Variants in RIPOR3 observed in about 807,000 individuals in gnomAD.
The protein encoded by RIPOR3 is RIPOR family member 3, also known as family with sequence similarity 65 member C.
RIPOR3 carries 95 observed loss-of-function variants against 114.3 expected under a neutral mutation model. The observed-to-expected ratio is 0.83, with a 90% CI of 0.70 to 0.99. The LOEUF is 0.99. Ranked by LOEUF, RIPOR3 falls within the 50% of genes least tolerant of loss-of-function variation. RIPOR3 has a pLI of 0.00. For missense variants in RIPOR3, 1,252 were observed against 1,266.9 expected (o/e 0.99, Z 0.18); for synonymous variants, 575 against 543.8 (o/e 1.06, Z -0.80).
intron 1 of RIPOR3, chr20:50,645,361 CTG>C (rs1038277644): frequency 6.6e-6 from 1 of 152,298 alleles, no homozygotes; most frequent in Non-Finnish European, 1.5e-5. Flanking sequence ...GCAATCCATC[CTG>C]TGTCTGCGGA....
chr20:50,624,061 T>C (rs924022630), intron 2 of RIPOR3, among the ~76,000 whole-genome samples: 5 of 152,200 alleles, frequency 3.3e-5, no homozygotes, highest in African/African-American at 9.7e-5. Context: ...GGTCTTGAAC[T>C]CCTGACCTCA....
At chr20:50,640,396 G>A (rs1176711257) in intron 1 of RIPOR3, among the ~76,000 whole-genome samples, 2 of 149,544 alleles carry the variant, frequency 1.3e-5, no homozygotes, top group South Asian at 2.1e-4. Context: ...CCTGTGGCAC[G>A]GCTGCAAGGG....
Position 50,602,319 on chromosome 20 carries a change from G to T in RIPOR3, c.1412C>A (p.Pro471His), listed in dbSNP as rs761258423. ...HLSGGPFAEQPGWRNLGGESP... is the reference protein window; with the variant it reads ...HLSGGPFAEQHGWRNLGGESP... Reference sequence around the variant, plus strand: ...CTCCCCTCCTAAGTTCCTCCAGCCAGGCTGCTCTGCAAACGGGCCTCCAGA... The same window carrying T: ...CTCCCCTCCTAAGTTCCTCCAGCCATGCTGCTCTGCAAACGGGCCTCCAGA... Residue 471 changes from proline to histidine, a missense_variant, in exon 13 of 22, where the codon CCT becomes CAT. Coordinates refer to ENST00000327979, the MANE Select transcript of RIPOR3 (RefSeq NM_001290268.2). This position sits in a 1 kb window ranked among gnomAD's most constrained non-coding sequence, Gnocchi z 4.3. 1 of 1,613,944 alleles carries T rather than the reference G, an allele frequency of 6.2e-7. No individual in the cohort carries two copies. Among genetic ancestry groups the T allele is most frequent in the Non-Finnish European group, 8.5e-7 (1 of 1,179,982 alleles).
At position 50,638,619 on chromosome 20, in the gene RIPOR3, G is replaced by A. The variant is rs188132043; in HGVS notation, c.4-7763C>T. Among the ~76,000 whole-genome samples, 219 of 152,248 alleles carry A rather than the reference G, an allele frequency of 1.4e-3. 2 individuals carry two copies. Among genetic ancestry groups the A allele is most frequent in the South Asian group, 0.013 (63 of 4,820 alleles). The stretch of plus-strand genomic sequence containing the variant: ...GGCCACTGTGGGGTGGCTGTGTGTC[G>A]GGGCGCCAGGTGGGAAGGCAGCTGG... On this transcript the variant is annotated intron_variant, in intron 1 of 21. Transcript: ENST00000327979.
intron 3 of RIPOR3, among the ~76,000 whole-genome samples, chr20:50,619,584 G>A (rs1025059678): frequency 6.6e-6 from 1 of 152,248 alleles, no homozygotes; most frequent in Non-Finnish European, 1.5e-5. Context: ...GGCTCACAGT[G>A]CAGGCTCCTA....
chr20:50,629,178 G>A (rs1328439137), intron 2 of RIPOR3, among the ~76,000 whole-genome samples: 1 of 151,926 alleles, frequency 6.6e-6, no homozygotes, highest in Non-Finnish European at 1.5e-5. Context: ...CCAGGAGGGC[G>A]CTGGGTTTAT....
chr20:50,659,096 C>T (rs1038773665), intron 1 of RIPOR3, among the ~76,000 whole-genome samples: 2 of 152,142 alleles, frequency 1.3e-5, no homozygotes, highest in African/African-American at 2.4e-5. Context: ...GACGTGGATA[C>T]ATTGTTTTGA....
At chr20:50,683,162 A>T (rs1181770479) in intron 1 of RIPOR3, among the ~76,000 whole-genome samples, 1 of 152,242 alleles carries the variant, frequency 6.6e-6, no homozygotes, top group Admixed American at 6.5e-5. Flanking sequence ...AAAGTGATAA[A>T]TTCTATCCAC....
chr20:50,652,004 C>T (rs1435492609), intron 1 of RIPOR3, among the ~76,000 whole-genome samples: 1 of 152,218 alleles, frequency 6.6e-6, no homozygotes, highest in Non-Finnish European at 1.5e-5. Context: ...TTTGAACTCC[C>T]CCTCGGAGTC....
chr20:50,592,235 C>T, intron 19 of RIPOR3, 109 bp downstream of exon 19: 1 of 1,146,166 alleles, frequency 8.7e-7, no homozygotes, highest in Non-Finnish European at 1.2e-6. Flanking sequence ...TAGCTCACAG[C>T]TACTGCAGCC....
rs765870114 is a variant in RIPOR3 at position 50,592,518 on chromosome 20, C to G, written c.2403G>C (p.Ala801=). The change falls in exon 19 of 22, where the codon GCG becomes GCC. Residue 801 remains alanine, a synonymous_variant. Transcript: ENST00000327979. ...GCTTCCGGACCACCTTGGCCTGTCC[C>G]GCACAGTGAAGCTCCTCGATGAGTG... ...EVTLIEELHC[A]GQAKVVRKLQ... 6.3e-7 allele frequency: 1 copy of G among 1,587,448 alleles called. No homozygotes were observed. Among genetic ancestry groups the G allele is most frequent in the Non-Finnish European group, 8.6e-7 (1 of 1,164,676 alleles).
chr20:50,592,837 G>A (rs554006255), intron 18 of RIPOR3, among the ~76,000 whole-genome samples, 198 bp downstream of exon 18: 2 of 152,308 alleles, frequency 1.3e-5, no homozygotes, highest in East Asian at 1.9e-4. Context: ...CCTCTGTTCC[G>A]TGCTTTTTAA....
rs577849949 is a variant in RIPOR3, at chr20:50,598,829, G to A, written c.1660-1119C>T. On this transcript the variant is annotated intron_variant, in intron 13 of 21. Coordinates refer to ENST00000327979, the MANE Select transcript of RIPOR3 (RefSeq NM_001290268.2). ...CTGAGGCAGGAGAATTGCTTGACCC[G>A]GGGAGGCGGAGGTTGCAGTGAGCCA... is the stretch of plus-strand genomic sequence containing the variant. Among the ~76,000 whole-genome samples the A allele has an allele frequency of 2.5e-4, 38 of 151,404 alleles. 1 individual carries two copies. Among genetic ancestry groups the A allele is most frequent in the African/African-American group, 6.8e-4 (28 of 41,258 alleles).
chr20:50,686,821 G>T (rs2087044333), intron 1 of RIPOR3, among the ~76,000 whole-genome samples: 1 of 152,074 alleles, frequency 6.6e-6, no homozygotes, highest in Non-Finnish European at 1.5e-5. Context: ...TGTGGGCATG[G>T]TTCTCCTCTT....
intron 2 of RIPOR3, among the ~76,000 whole-genome samples, chr20:50,628,143 T>C (rs1420247854): frequency 2.0e-5 from 3 of 152,236 alleles, no homozygotes; most frequent in African/African-American, 7.2e-5. Context: ...CTGGCCGGTT[T>C]ATACTTAACC....
intron 18 of RIPOR3, 142 bp downstream of exon 18, chr20:50,592,893 C>T (rs1002572965): frequency 8.8e-7 from 1 of 1,139,418 alleles, no homozygotes; most frequent in South Asian, 1.5e-5. Context: ...CGGCTGAACG[C>T]AGAATCTCAT....
In RIPOR3 at chr20:50,586,340, G is replaced by GACTT. The variant is rs113664854; in HGVS notation, c.*888_*891dup. The GACTT allele has an allele frequency of 6.6e-6, 1 of 152,142 alleles. No homozygotes were observed. Among genetic ancestry groups the GACTT allele is most frequent in the African/African-American group, 2.4e-5 (1 of 41,402 alleles). The allele number at this position is 152,142 out of a possible 1,614,324, so 9.4% of individuals were successfully genotyped here. On this transcript the variant is annotated 3_prime_UTR_variant, in exon 22 of 22. Coordinates refer to ENST00000327979, the MANE Select transcript of RIPOR3 (RefSeq NM_001290268.2). ...CAGGACATGGTTTGCTTTTTTTTAA[G>GACTT]ACTTAAATAGGAAACTAATTTTTCT... is the stretch of plus-strand genomic sequence containing the variant.
At chr20:50,690,927 G>A (rs1568979509) in intron 1 of RIPOR3, among the ~76,000 whole-genome samples, 199 bp downstream of exon 1, 1 of 152,084 alleles carries the variant, frequency 6.6e-6, no homozygotes, top group Non-Finnish European at 1.5e-5. Context: ...GCCTGCAGAG[G>A]GCAAATAACT....
chr20:50,604,756 G>A lies in RIPOR3; in HGVS notation c.975C>T (p.Ser325=), dbSNP rs751601501. The change falls in exon 12 of 22, where the codon AGC becomes AGT. Residue 325 remains serine, a synonymous_variant. Coordinates refer to ENST00000327979, the MANE Select transcript of RIPOR3 (RefSeq NM_001290268.2). The part of the protein sequence containing the change: ...EVQWNPFDTE[S]FLVSPSPTGK... ...CCGTGGGGCTGGGTGACACCAGGAAGCTCTCAGTATCAAACGGGCTGGAGG... is the reference window on the plus strand; with the variant it reads ...CCGTGGGGCTGGGTGACACCAGGAAACTCTCAGTATCAAACGGGCTGGAGG... The A allele has an allele frequency of 1.9e-6, 3 of 1,608,074 alleles. No individual in the cohort carries two copies. The highest frequency in any genetic ancestry group is 2.5e-6 in the Non-Finnish European group (3 of 1,177,964).
Sources: allele counts gnomAD v4.1 joint callset (sites outside exome capture counted in the v4.1 genomes callset), GRCh38; gene constraint gnomAD v4.1.1; non-coding constraint Gnocchi (gnomAD v3.1); transcripts MANE v1.5; gene names NCBI Gene and HGNC (gene_info 2026-07-23, HGNC 2026-07-21).